Variants in ZNF385D observed in about 807,000 individuals in gnomAD.
The protein encoded by ZNF385D is zinc finger protein 385D.
Under a neutral mutation model 35.8 loss-of-function variants are expected in ZNF385D, and 15 were observed. The observed-to-expected ratio is 0.42, with a 90% CI of 0.28 to 0.64. ZNF385D has a LOEUF of 0.64. ZNF385D is among the 30% of genes least tolerant of loss of function. The pLI is 0.23. For synonymous variants in ZNF385D, 212 were observed against 186.8 expected (o/e 1.13, Z -1.10); for missense variants, 474 against 494.6 (o/e 0.96, Z 0.39).
At chr3:21,896,734 G>C (rs259493) in intron 3 of ZNF385D, among the ~76,000 whole-genome samples, 1 of 151,934 alleles carries the variant, frequency 6.6e-6, no homozygotes, top group African/African-American at 2.4e-5. Flanking sequence ...TCAGGGGGTG[G>C]GAAGGGCTCA....
intron 1 of ZNF385D, among the ~76,000 whole-genome samples, chr3:21,714,212 C>T: frequency 2.7e-5 from 1 of 37,282 alleles, no homozygotes; most frequent in African/African-American, 2.1e-4. Flanking sequence ...AGTGGGCCTT[C>T]CGGCAGACCT....
intron 2 of ZNF385D, among the ~76,000 whole-genome samples, chr3:22,334,961 T>C (rs1402534300): frequency 6.6e-6 from 1 of 152,230 alleles, no homozygotes; most frequent in Non-Finnish European, 1.5e-5. Flanking sequence ...ATAATGAGAA[T>C]ATTCCTTGTT....
chr3:21,920,611 T>C (rs1411982098), intron 3 of ZNF385D, among the ~76,000 whole-genome samples: 3 of 106,916 alleles, frequency 2.8e-5, no homozygotes, highest in South Asian at 7.3e-4. Context: ...GGGTTGATGA[T>C]GATACAATGC....
chr3:21,868,856 T>C (rs888391780), intron 3 of ZNF385D, among the ~76,000 whole-genome samples: 4 of 152,124 alleles, frequency 2.6e-5, no homozygotes, highest in Admixed American at 6.6e-5. Context: ...TGTGGACATG[T>C]TATCCATCTG....
At chr3:21,589,820 C>T (rs1168459716) in intron 2 of ZNF385D, among the ~76,000 whole-genome samples, 2 of 151,840 alleles carry the variant, frequency 1.3e-5, no homozygotes, top group Admixed American at 1.3e-4. Context: ...GATTTACATA[C>T]ATTTAAAAAA....
chr3:21,854,374 C>G (rs1696589703), intron 3 of ZNF385D, among the ~76,000 whole-genome samples: 1 of 151,942 alleles, frequency 6.6e-6, no homozygotes, highest in African/African-American at 2.4e-5. Flanking sequence ...TCATATGCCA[C>G]TTATTCAAAA....
At position 21,524,782 on chromosome 3, in the gene ZNF385D, A is replaced by T. The variant is rs557483127; in HGVS notation, c.277-13759T>A. Among the ~76,000 whole-genome samples the T allele has an allele frequency of 2.0e-5, 3 of 152,250 alleles. No homozygotes were observed. The East Asian group carries it at 5.8e-4, about 29-fold the overall frequency. ...GAATTAACATTTACGGAAATCTTAT[A>T]AAGGGGAGGTCAAAAGCAGGAAGGC... is the stretch of plus-strand genomic sequence containing the variant. On this transcript the variant is annotated intron_variant, in intron 3 of 7. Transcript: ENST00000281523.
intron 2 of ZNF385D, among the ~76,000 whole-genome samples, chr3:22,358,285 C>T (rs1696246897): frequency 6.6e-6 from 1 of 151,770 alleles, no homozygotes; most frequent in Non-Finnish European, 1.5e-5. Context: ...GCATCAATTC[C>T]AAGGAAAGGT....
At chr3:21,852,373 T>C (rs1219877540) in intron 3 of ZNF385D, among the ~76,000 whole-genome samples, 1 of 151,910 alleles carries the variant, frequency 6.6e-6, no homozygotes. Context: ...TTTCCAACAC[T>C]AATCCTAGGT....
intron 2 of ZNF385D, among the ~76,000 whole-genome samples, chr3:21,638,286 T>C (rs1188062507): frequency 6.6e-6 from 1 of 152,102 alleles, no homozygotes; most frequent in Non-Finnish European, 1.5e-5. Context: ...CTGTTTGTTA[T>C]ACAACAAACA....
At chr3:22,076,336 T>G (rs1254404348) in intron 3 of ZNF385D, among the ~76,000 whole-genome samples, 1 of 151,928 alleles carries the variant, frequency 6.6e-6, no homozygotes, top group African/African-American at 2.4e-5. Flanking sequence ...GTCACTTCGG[T>G]CCAGTCTCTC....
intron 3 of ZNF385D, among the ~76,000 whole-genome samples, chr3:21,911,997 G>T (rs1431005237): frequency 6.6e-6 from 1 of 151,692 alleles, no homozygotes; most frequent in Admixed American, 6.6e-5. Context: ...TGAAAGTAAG[G>T]CCCTAAATCT....
intron 3 of ZNF385D, among the ~76,000 whole-genome samples, chr3:21,806,550 C>A (rs1167948892): frequency 1.3e-5 from 2 of 152,166 alleles, no homozygotes. Flanking sequence ...AACATGTATA[C>A]GTGAAACCAG....
At chr3:21,834,152 G>A (rs1695179454) in intron 3 of ZNF385D, among the ~76,000 whole-genome samples, 1 of 152,070 alleles carries the variant, frequency 6.6e-6, no homozygotes, top group South Asian at 2.1e-4. Flanking sequence ...ACATATAGCT[G>A]GCTGAAGTAG....
intron 3 of ZNF385D, among the ~76,000 whole-genome samples, chr3:21,808,272 A>G (rs1413042610): frequency 6.6e-6 from 1 of 152,240 alleles, no homozygotes; most frequent in East Asian, 1.9e-4. Flanking sequence ...AACATATTTT[A>G]GGAAAAGTCC....
At chr3:21,914,632 C>T (rs1253985676) in intron 3 of ZNF385D, among the ~76,000 whole-genome samples, 4 of 152,044 alleles carry the variant, frequency 2.6e-5, no homozygotes, top group Middle Eastern at 3.4e-3. Flanking sequence ...CATCTATTTA[C>T]ATTGCATCAC....
At chr3:22,248,699 T>G (rs1470029522) in intron 2 of ZNF385D, among the ~76,000 whole-genome samples, 1 of 152,142 alleles carries the variant, frequency 6.6e-6, no homozygotes, top group African/African-American at 2.4e-5. Flanking sequence ...CTTTCGTGAT[T>G]TTAAAATAGG....
At chr3:21,509,561 T>G (rs796419801) in intron 4 of ZNF385D, among the ~76,000 whole-genome samples, 13 of 152,336 alleles carry the variant, frequency 8.5e-5, no homozygotes, top group African/African-American at 2.4e-4. Context: ...GAAGTGAATA[T>G]GACAAGCCTG....
intron 2 of ZNF385D, among the ~76,000 whole-genome samples, chr3:21,629,273 C>G (rs568321900): frequency 2.4e-4 from 37 of 152,188 alleles, no homozygotes; most frequent in Admixed American, 7.2e-4. Context: ...TATGAGGCCT[C>G]TTCTGGCCAC....
Sources: allele counts gnomAD v4.1 joint callset (sites outside exome capture counted in the v4.1 genomes callset), GRCh38; gene constraint gnomAD v4.1.1; transcripts MANE v1.5; gene names NCBI Gene and HGNC (gene_info 2026-07-23, HGNC 2026-07-21).